The following DGKI variants were observed in gnomAD, a reference collection of about 807,000 sequenced individuals.
DGKI encodes the protein diacylglycerol kinase iota.
Under a neutral mutation model 147.5 loss-of-function variants are expected in DGKI, and 55 were observed. That is an observed-to-expected ratio of 0.37 (90% CI 0.30 to 0.47). DGKI has a LOEUF of 0.47. DGKI is among the 20% of genes least tolerant of loss of function. DGKI has a pLI of 1.00. For synonymous variants in DGKI, 469 were observed against 477.1 expected, an observed-to-expected ratio of 0.98 and a Z score of 0.22; for missense variants, 1,007 against 1,323.8, an observed-to-expected ratio of 0.76 and a Z score of 3.71.
intron 1 of DGKI, among the ~76,000 whole-genome samples, chr7:137,693,309 G>A (rs1823674283): frequency 6.6e-6 from 1 of 152,068 alleles, no homozygotes; most frequent in South Asian, 2.1e-4. Context: ...CAAGCCCACG[G>A]TCAGCAAAAC....
chr7:137,506,059 C>A (rs1264648093), intron 21 of DGKI, among the ~76,000 whole-genome samples: 1 of 152,162 alleles, frequency 6.6e-6, no homozygotes, highest in Non-Finnish European at 1.5e-5. Context: ...CAGTTTCTCA[C>A]AAAACTAAAT....
At chr7:137,662,479 G>C (rs963991539) in intron 3 of DGKI, among the ~76,000 whole-genome samples, 1 of 151,980 alleles carries the variant, frequency 6.6e-6, no homozygotes, top group African/African-American at 2.4e-5. Context: ...TCCTGATCTC[G>C]TGATCCACCT....
Position 137,679,360 on chromosome 7 carries a change from C to A in DGKI, c.511-708G>T, listed in dbSNP as rs909644705. Reference sequence around the variant, plus strand: ...ACCTGATGAGCAACAACCCTATTTTCCAGAAATGTGTAGTGCGGTATTGGG... The same window carrying A: ...ACCTGATGAGCAACAACCCTATTTTACAGAAATGTGTAGTGCGGTATTGGG... On this transcript the variant is annotated intron_variant, in intron 2 of 32. Coordinates refer to ENST00000614521, the MANE Select transcript of DGKI (RefSeq NM_001321708.2). Among the ~76,000 whole-genome samples, 5 of 150,790 alleles carry A rather than the reference C, an allele frequency of 3.3e-5. No individual in the cohort carries two copies. In the East Asian group the frequency reaches 7.8e-4, roughly 24 times the overall value.
At chr7:137,545,877 A>G in intron 20 of DGKI, 1 of 698,760 alleles carries the variant, frequency 1.4e-6, no homozygotes, top group Non-Finnish European at 2.6e-6. Flanking sequence ...GAAAATGTAG[A>G]AACAGAATGG....
chr7:137,721,978 T>C, intron 1 of DGKI: 17 of 1,510,264 alleles, frequency 1.1e-5, no homozygotes, highest in Non-Finnish European at 1.5e-5. Flanking sequence ...CTCTTTCCCA[T>C]CTTGCAAGAT....
intron 1 of DGKI, among the ~76,000 whole-genome samples, chr7:137,801,432 C>T (rs995510900): frequency 6.6e-6 from 1 of 152,140 alleles, no homozygotes; most frequent in Non-Finnish European, 1.5e-5. Context: ...AAGTATAGTG[C>T]AAAAATAAAC....
At chr7:137,416,028 G>T (rs761532822) in intron 28 of DGKI, among the ~76,000 whole-genome samples, 1 of 151,680 alleles carries the variant, frequency 6.6e-6, no homozygotes, top group Non-Finnish European at 1.5e-5. Context: ...CAACAAAATA[G>T]CCTATGTTCT....
At chr7:137,624,795 A>G (rs928703377) in intron 6 of DGKI, among the ~76,000 whole-genome samples, 3 of 151,946 alleles carry the variant, frequency 2.0e-5, no homozygotes, top group Non-Finnish European at 4.4e-5. Flanking sequence ...TTTAGTAGAG[A>G]CAGGGTTTCA....
intron 20 of DGKI, chr7:137,546,080 G>A (rs1011964861): frequency 2.6e-5 from 15 of 581,834 alleles, no homozygotes; most frequent in Admixed American, 2.1e-4. Flanking sequence ...TTAAATGAGC[G>A]CATCACCGAA....
intron 1 of DGKI, among the ~76,000 whole-genome samples, chr7:137,741,307 C>G (rs1795167280): frequency 6.6e-6 from 1 of 152,242 alleles, no homozygotes; most frequent in African/African-American, 2.4e-5. Flanking sequence ...TTCATGCCAG[C>G]AGTTTTACAG....
chr7:137,764,505 A>G (rs1211551276), intron 1 of DGKI, among the ~76,000 whole-genome samples: 1 of 151,986 alleles, frequency 6.6e-6, no homozygotes, highest in Admixed American at 6.6e-5. Context: ...GTTCATTTCC[A>G]CCCGACTTCT....
intron 12 of DGKI, among the ~76,000 whole-genome samples, chr7:137,589,818 C>T (rs967105515): frequency 1.3e-5 from 2 of 152,150 alleles, no homozygotes; most frequent in Non-Finnish European, 2.9e-5. Flanking sequence ...AAGGCATTCT[C>T]CTTAAAACTT....
intron 23 of DGKI, among the ~76,000 whole-genome samples, chr7:137,472,096 CAT>C (rs201002910): frequency 9.7e-5 from 12 of 123,118 alleles, no homozygotes; most frequent in Admixed American, 3.7e-4. Flanking sequence ...AATATATACA[CAT>C]ATATGTGTAT....
intron 1 of DGKI, among the ~76,000 whole-genome samples, chr7:137,716,041 G>C (rs1794366146): frequency 6.6e-6 from 1 of 152,198 alleles, no homozygotes; most frequent in Non-Finnish European, 1.5e-5. Flanking sequence ...CATGAAGGTG[G>C]ATGGCTGAGA....
intron 1 of DGKI, among the ~76,000 whole-genome samples, chr7:137,784,564 A>T (rs1796610668): frequency 6.6e-6 from 1 of 152,204 alleles, no homozygotes; most frequent in South Asian, 2.1e-4. Context: ...TAGACAGGTC[A>T]TCAAGATCGA....
At chr7:137,425,840 G>T (rs1029982292) in intron 28 of DGKI, among the ~76,000 whole-genome samples, 16 of 152,188 alleles carry the variant, frequency 1.1e-4, no homozygotes, top group African/African-American at 3.9e-4. Flanking sequence ...GAGAAGGGAA[G>T]TTTAGAGAAA....
intron 1 of DGKI, among the ~76,000 whole-genome samples, chr7:137,841,779 G>A (rs1798550247): frequency 6.6e-6 from 1 of 152,222 alleles, no homozygotes; most frequent in Admixed American, 6.5e-5. Flanking sequence ...CCTCAGACTA[G>A]AAAGTGCGGT....
chr7:137,679,990 CAAAAAAA>C (rs768437551), intron 2 of DGKI, among the ~76,000 whole-genome samples: 23 of 54,078 alleles, frequency 4.3e-4, no homozygotes, highest in Admixed American at 1.2e-3. Context: ...GACTCCATCT[CAAAAAAA>C]AAAAAAAAAA....
intron 25 of DGKI, 56 bp downstream of exon 25, chr7:137,466,846 A>C: frequency 1.9e-6 from 3 of 1,570,470 alleles, no homozygotes; most frequent in Non-Finnish European, 1.8e-6. Context: ...GCTACCAATA[A>C]AGCACATTAA....
Sources: gnomAD v4.1 joint callset for allele counts (sites outside exome capture counted in the v4.1 genomes callset) on GRCh38, gnomAD v4.1.1 for gene constraint, MANE v1.5 for transcripts, NCBI Gene and HGNC (gene_info 2026-07-23, HGNC 2026-07-21) for gene names.